MIPEP: variants seen among roughly 807,000 people sequenced by gnomAD.
The protein encoded by MIPEP is mitochondrial intermediate peptidase.
A neutral mutation model predicts 90.3 loss-of-function variants in MIPEP; 79 were observed. The observed-to-expected ratio is 0.87, with a 90% CI of 0.73 to 1.05. The LOEUF (loss-of-function observed/expected upper bound fraction) is 1.05, where lower values mean the gene tolerates loss of function less well. Ranked by LOEUF, MIPEP falls within the 50% of genes least tolerant of loss-of-function variation. The probability of loss-of-function intolerance (pLI) is 0.00; values close to 1 mark genes in which losing one functional copy is unlikely to be tolerated. For synonymous variants in MIPEP, 334 were observed against 315.8 expected (o/e 1.06, Z -0.61); for missense variants, 940 against 905.6 (o/e 1.04, Z -0.49).
chr13:23,760,385 A>G (rs566441760), intron 16 of MIPEP, 168 bp from the exon 17 acceptor site: 3 of 834,328 alleles, frequency 3.6e-6, no homozygotes, highest in East Asian at 5.1e-5. Context: ...CATTTTATAC[A>G]CTGTTAGGGC....
chr13:23,748,641 T>G (rs968396470), intron 18 of MIPEP, among the ~76,000 whole-genome samples: 2 of 152,212 alleles, frequency 1.3e-5, no homozygotes, highest in Non-Finnish European at 2.9e-5. Context: ...CTTTTAATAT[T>G]TAATGTATCT....
At chr13:23,791,900 T>C (rs1593156793) in intron 16 of MIPEP, among the ~76,000 whole-genome samples, 4 of 152,180 alleles carry the variant, frequency 2.6e-5, no homozygotes, top group Non-Finnish European at 5.9e-5. Flanking sequence ...CTTATCCAAG[T>C]CAATAACGAC....
chr13:23,879,386 G>A, intron 3 of MIPEP, 32 bp from the exon 4 acceptor site: 2 of 1,142,114 alleles, frequency 1.8e-6, no homozygotes, highest in Non-Finnish European at 2.6e-6. Context: ...AAAATTAGAT[G>A]ATTTTCTAAT....
At chr13:23,801,674 AACTTTAT>A (rs1953043246) in intron 16 of MIPEP, among the ~76,000 whole-genome samples, 1 of 152,184 alleles carries the variant, frequency 6.6e-6, no homozygotes, top group South Asian at 2.1e-4. Context: ...CATCACTCTG[AACTTTAT>A]ATAAATGTAC....
chr13:23,882,259 A>C (rs1001231012), intron 2 of MIPEP, among the ~76,000 whole-genome samples: 1 of 152,156 alleles, frequency 6.6e-6, no homozygotes, highest in South Asian at 2.1e-4. Flanking sequence ...AAGAGCAGAC[A>C]CTGGTTTCAA....
chr13:23,798,384 G>A (rs527568924), intron 16 of MIPEP, among the ~76,000 whole-genome samples: 85 of 152,236 alleles, frequency 5.6e-4, no homozygotes, highest in African/African-American at 2.0e-3. Flanking sequence ...CCAGTCTCCA[G>A]TAGCAGCAAC....
At chr13:23,845,160 G>T (rs559464725) in intron 10 of MIPEP, among the ~76,000 whole-genome samples, 2 of 152,170 alleles carry the variant, frequency 1.3e-5, no homozygotes, top group South Asian at 2.1e-4. Flanking sequence ...ATATATCAAT[G>T]ATATGTATTT....
intron 16 of MIPEP, among the ~76,000 whole-genome samples, chr13:23,788,275 G>C (rs978777465): frequency 1.3e-5 from 2 of 152,092 alleles, no homozygotes; most frequent in Non-Finnish European, 2.9e-5. Context: ...ATGAATGACT[G>C]CATATTATTT....
At chr13:23,792,215 A>G (rs1952904132) in intron 16 of MIPEP, among the ~76,000 whole-genome samples, 1 of 152,198 alleles carries the variant, frequency 6.6e-6, no homozygotes, top group African/African-American at 2.4e-5. Flanking sequence ...GCTTTTTGAT[A>G]CAATCTGTGT....
intron 16 of MIPEP, among the ~76,000 whole-genome samples, chr13:23,768,992 A>C (rs1952621728): frequency 6.6e-6 from 1 of 152,220 alleles, no homozygotes; most frequent in Non-Finnish European, 1.5e-5. Context: ...ACATGGATCT[A>C]ATTAAGACAA....
At chr13:23,863,398 C>T (rs1870394698) in intron 8 of MIPEP, among the ~76,000 whole-genome samples, 1 of 152,136 alleles carries the variant, frequency 6.6e-6, no homozygotes, top group Admixed American at 6.5e-5. Context: ...CATGATGGTA[C>T]AAGTGGAAAA....
At chr13:23,739,736 G>A (rs552690298) in intron 18 of MIPEP, among the ~76,000 whole-genome samples, 7 of 152,354 alleles carry the variant, frequency 4.6e-5, no homozygotes, top group East Asian at 1.9e-4. Context: ...CCTGTGCACG[G>A]CAGCAAGCAG....
chr13:23,815,498 G>C (rs904388134), intron 14 of MIPEP, among the ~76,000 whole-genome samples: 28 of 152,120 alleles, frequency 1.8e-4, no homozygotes, highest in African/African-American at 6.8e-4. Flanking sequence ...TAGTAGAGAT[G>C]GGGTTTTGCC....
In MIPEP at chr13:23,820,705, CCAGA is replaced by C. The variant is rs572554969; in HGVS notation, c.1654-10785_1654-10782del. On this transcript the variant is annotated intron_variant, in intron 14 of 18. Transcript: ENST00000382172. ...TGCCTCTCCCAGGCCAGCACAGCCCCCAGACATTCTGGGAACTTGCCTGCAGGGT... is the reference window on the plus strand; with the variant it reads ...TGCCTCTCCCAGGCCAGCACAGCCCCCATTCTGGGAACTTGCCTGCAGGGT... Among the ~76,000 whole-genome samples the C allele has an allele frequency of 2.3e-3, 354 of 152,312 alleles. 2 individuals are homozygous for C. The highest frequency in any genetic ancestry group is 7.1e-3 in the African/African-American group (296 of 41,576).
intron 2 of MIPEP, among the ~76,000 whole-genome samples, chr13:23,885,686 A>T (rs1373264359): frequency 6.9e-6 from 1 of 144,774 alleles, no homozygotes; most frequent in Non-Finnish European, 1.5e-5. Flanking sequence ...TTAAAATGTT[A>T]AAAAAAAAAA....
chr13:23,814,076 T>C (rs1176507396), intron 14 of MIPEP, among the ~76,000 whole-genome samples: 1 of 152,224 alleles, frequency 6.6e-6, no homozygotes, highest in Admixed American at 6.5e-5. Flanking sequence ...TACCAAAGTC[T>C]GAGGCATCAT....
intron 7 of MIPEP, among the ~76,000 whole-genome samples, chr13:23,865,526 G>A (rs2137508530): frequency 6.6e-6 from 1 of 152,256 alleles, no homozygotes; most frequent in South Asian, 2.1e-4. Flanking sequence ...CTCATTTTAG[G>A]ATTATATTCC....
chr13:23,823,584 T>C (rs1823268068), intron 14 of MIPEP, among the ~76,000 whole-genome samples: 1 of 152,148 alleles, frequency 6.6e-6, no homozygotes, highest in African/African-American at 2.4e-5. Context: ...ATCCCTGCAT[T>C]TTGGAGGGCC....
intron 10 of MIPEP, among the ~76,000 whole-genome samples, chr13:23,841,994 A>T (rs555067624): frequency 1.3e-5 from 2 of 152,362 alleles, no homozygotes; most frequent in African/African-American, 4.8e-5. Flanking sequence ...CAATATAAAT[A>T]ATCAGATCTT....
Sources: gnomAD v4.1 joint callset for allele counts (sites outside exome capture counted in the v4.1 genomes callset) on GRCh38, gnomAD v4.1.1 for gene constraint, MANE v1.5 for transcripts, NCBI Gene and HGNC (gene_info 2026-07-23, HGNC 2026-07-21) for gene names.